The following MAD1L1 variants were observed in gnomAD, a reference collection of about 807,000 sequenced individuals.
The protein encoded by MAD1L1 is mitotic spindle assembly checkpoint protein MAD1.
In MAD1L1, 95 loss-of-function variants were observed where a neutral mutation model predicts 96.9. The ratio of observed to expected loss-of-function variants is 0.98; its 90% CI spans 0.83 to 1.16. MAD1L1 has a LOEUF of 1.16. Among genes scored for constraint, MAD1L1 ranks in the 50% most tolerant of loss-of-function variants. The pLI, the probability that MAD1L1 is intolerant of heterozygous loss-of-function variation, is 0.00. For missense variants in MAD1L1, 1,007 were observed against 954.4 expected, an observed-to-expected ratio of 1.06 and a Z score of -0.73; for synonymous variants, 473 against 396.6, an observed-to-expected ratio of 1.19 and a Z score of -2.29.
intron 12 of MAD1L1, among the ~76,000 whole-genome samples, chr7:2,023,934 G>A (rs1782891810): frequency 6.6e-6 from 1 of 151,838 alleles, no homozygotes; most frequent in African/African-American, 2.4e-5. Flanking sequence ...GGGAGACAGA[G>A]CAAGACTCCA....
intron 10 of MAD1L1, among the ~76,000 whole-genome samples, chr7:2,209,577 G>A (rs1271201612): frequency 6.6e-6 from 1 of 152,230 alleles, no homozygotes; most frequent in African/African-American, 2.4e-5. Flanking sequence ...CAAGTCCCAT[G>A]GTGGGAGAGC....
At chr7:2,063,438 C>T (rs893235780) in intron 12 of MAD1L1, among the ~76,000 whole-genome samples, 1 of 152,200 alleles carries the variant, frequency 6.6e-6, no homozygotes, top group African/African-American at 2.4e-5. Context: ...GAACAGCGGC[C>T]TTGTCTGTGG....
At chr7:2,122,591 G>A (rs1158467944) in intron 11 of MAD1L1, among the ~76,000 whole-genome samples, 1 of 151,870 alleles carries the variant, frequency 6.6e-6, no homozygotes, top group Non-Finnish European at 1.5e-5. Context: ...GACAGAGCGA[G>A]ACTCTGTTTC....
chr7:2,185,115 A>G (rs1214029533), intron 10 of MAD1L1, among the ~76,000 whole-genome samples: 1 of 152,224 alleles, frequency 6.6e-6, no homozygotes, highest in Non-Finnish European at 1.5e-5. Flanking sequence ...ACAAGGGTGA[A>G]GCAAGAGAGA....
intron 18 of MAD1L1, among the ~76,000 whole-genome samples, chr7:1,857,780 G>C (rs1361418338): frequency 1.3e-5 from 2 of 152,246 alleles, no homozygotes; most frequent in Non-Finnish European, 2.9e-5. Context: ...GGCTAGGCCA[G>C]CACGACGCCC....
chr7:1,921,806 G>C (rs1214194322), intron 17 of MAD1L1, among the ~76,000 whole-genome samples: 2 of 152,056 alleles, frequency 1.3e-5, no homozygotes, highest in Non-Finnish European at 2.9e-5. Flanking sequence ...AATGGCCCTA[G>C]GGCAATTGTT....
At chr7:1,854,272 G>A in intron 18 of MAD1L1, 1 of 405,264 alleles carries the variant, frequency 2.5e-6, no homozygotes, top group Non-Finnish European at 4.9e-6. Context: ...CGCTGGGGCT[G>A]GGAGTGGCTG....
At chr7:2,200,384 A>G (rs1399370391) in intron 10 of MAD1L1, 1 of 152,366 alleles carries the variant, frequency 6.6e-6, no homozygotes, top group Non-Finnish European at 1.5e-5. Flanking sequence ...AGGCCTGCAC[A>G]CAGGGGGTCT....
intron 12 of MAD1L1, among the ~76,000 whole-genome samples, chr7:2,041,737 C>T (rs941031916): frequency 6.6e-5 from 10 of 152,216 alleles, no homozygotes; most frequent in Admixed American, 2.0e-4. Context: ...GGTGTCAGGT[C>T]ACTAACCCTC....
chr7:1,845,767 C>T (rs1017201451), intron 18 of MAD1L1: 1 of 152,634 alleles, frequency 6.6e-6, no homozygotes, highest in Admixed American at 6.5e-5. Flanking sequence ...GAGGAGCGCG[C>T]TGTTTAGGAG....
chr7:1,849,089 G>GACACATGTGC (rs1783811656), intron 18 of MAD1L1: 1 of 150,254 alleles, frequency 6.7e-6, no homozygotes. Context: ...CACATGCACG[G>GACACATGTGC]ACACATGCAC....
chr7:1,966,470 G>A (rs550020035), intron 15 of MAD1L1, among the ~76,000 whole-genome samples: 34 of 148,714 alleles, frequency 2.3e-4, no homozygotes, highest in Non-Finnish European at 4.9e-4. Flanking sequence ...CACAGCACAC[G>A]GAAACCCAAA....
At chr7:1,953,241 G>A (rs1053131601) in intron 16 of MAD1L1, among the ~76,000 whole-genome samples, 2 of 152,208 alleles carry the variant, frequency 1.3e-5, no homozygotes, top group African/African-American at 4.8e-5. Context: ...TGTGCTTCCA[G>A]CTTCTGCTCA....
chr7:2,042,203 A>G (rs1445289299), intron 12 of MAD1L1, among the ~76,000 whole-genome samples: 1 of 141,354 alleles, frequency 7.1e-6, no homozygotes, highest in Admixed American at 7.0e-5. Context: ...ACATGGACAC[A>G]GACACGCACA....
intron 10 of MAD1L1, among the ~76,000 whole-genome samples, chr7:2,153,229 A>C (rs1319198954): frequency 1.3e-5 from 2 of 152,244 alleles, no homozygotes; most frequent in East Asian, 1.9e-4. Flanking sequence ...CCAAGAAAAC[A>C]ATCAACAGAG....
chr7:2,213,146 G>A, intron 10 of MAD1L1, 66 bp downstream of exon 10: 1 of 1,545,358 alleles, frequency 6.5e-7, no homozygotes, highest in Admixed American at 1.7e-5. Context: ...GCCGGAAGCA[G>A]GCTCTGCTCT....
At chr7:1,820,848 G>A (rs1406558798) in intron 18 of MAD1L1, among the ~76,000 whole-genome samples, 10 of 152,172 alleles carry the variant, frequency 6.6e-5, no homozygotes, top group East Asian at 1.9e-4. Flanking sequence ...TTGGGAGGCC[G>A]AGGTGGGCGG....
chr7:1,845,862 C>G (rs72503893), intron 18 of MAD1L1: 11 of 152,742 alleles, frequency 7.2e-5, no homozygotes, highest in African/African-American at 2.6e-4. Flanking sequence ...TCTGGGGAGG[C>G]AGAGATCCCT....
intron 13 of MAD1L1, among the ~76,000 whole-genome samples, chr7:2,008,672 C>A (rs1470906205): frequency 6.6e-6 from 1 of 152,226 alleles, no homozygotes; most frequent in East Asian, 1.9e-4. Flanking sequence ...CCCTCCTCCA[C>A]AGCCCACCCC....
Sources: allele counts gnomAD v4.1 joint callset (sites outside exome capture counted in the v4.1 genomes callset), GRCh38; gene constraint gnomAD v4.1.1; transcripts MANE v1.5; gene names NCBI Gene and HGNC (gene_info 2026-07-23, HGNC 2026-07-21).